The following MLH3 variants were observed in gnomAD, a reference collection of about 807,000 sequenced individuals.
MLH3 encodes the protein DNA mismatch repair protein Mlh3.
Under a neutral mutation model 122.2 loss-of-function variants are expected in MLH3, and 82 were observed. The ratio of observed to expected loss-of-function variants is 0.67; its 90% CI spans 0.56 to 0.81. The LOEUF is 0.81. Among genes scored for constraint, MLH3 ranks in the 30% least tolerant of loss-of-function variants. The probability of loss-of-function intolerance (pLI) is 0.00; values close to 1 mark genes in which losing one functional copy is unlikely to be tolerated. For synonymous variants in MLH3, 524 were observed against 599.5 expected (o/e 0.87, Z 1.84); for missense variants, 1,539 against 1,714.5 (o/e 0.90, Z 1.81).
Position 75,048,831 on chromosome 14 carries a change from T to C in MLH3, c.825A>G (p.Glu275=), listed in dbSNP as rs1040135404. The change falls in exon 2 of 13, where the codon GAA becomes GAG. Residue 275 remains glutamate (E), a synonymous_variant. Coordinates refer to ENST00000355774, the MANE Select transcript of MLH3 (RefSeq NM_001040108.2). ...HKLIDFLLRK[E]SIICKPKNGP... ...CATTCTTTGGCTTGCATATAATACT[T>C]TCTTTCCTTAATAAAAAGTCAATGA... 6.2e-7 allele frequency: 1 copy of C among 1,614,040 alleles called. No homozygotes were observed. Among genetic ancestry groups the C allele is most frequent in the Admixed American group, 1.7e-5 (1 of 60,008 alleles).
chr14:75,042,285 TG>T, intron 3 of MLH3, 93 bp downstream of exon 3: 1 of 1,016,338 alleles, frequency 9.8e-7, no homozygotes, highest in Non-Finnish European at 1.6e-6. Flanking sequence ...ACAGCACAGC[TG>T]GCACTGATCA....
At chr14:75,034,320 C>T (rs1205299132) in intron 6 of MLH3, among the ~76,000 whole-genome samples, 1 of 152,138 alleles carries the variant, frequency 6.6e-6, no homozygotes, top group Non-Finnish European at 1.5e-5. Flanking sequence ...TTAAACAACA[C>T]ATTGTTATAA....
rs1452108917 is a variant in MLH3, at chr14:75,033,424, A to G, written c.3710T>C (p.Ile1237Thr). ...GGCTGCAAACAGATCCTTACCAATG[A>G]TAAGCTGCTCCAGACGTATACGCTC... The part of the protein sequence containing the change: ...AHERIRLEQL[I>T]IDSYEKQQAQ... The change falls in exon 7 of 13, where the codon ATC becomes ACC. Residue 1237 changes from isoleucine to threonine, a missense_variant. Ile to Thr is a moderately conservative substitution (Grantham distance 89, BLOSUM62 -1). Coordinates refer to ENST00000355774, the MANE Select transcript of MLH3 (RefSeq NM_001040108.2). 1 of 1,613,972 alleles carries G rather than the reference A, an allele frequency of 6.2e-7. No homozygotes were observed. Among genetic ancestry groups the G allele is most frequent in the African/African-American group, 1.3e-5 (1 of 74,902 alleles).
At chr14:75,021,097 G>A (rs1356456950) in intron 11 of MLH3, among the ~76,000 whole-genome samples, 4 of 152,176 alleles carry the variant, frequency 2.6e-5, no homozygotes, top group South Asian at 2.1e-4. Context: ...GGCTGGTCTC[G>A]AACTCCTGAC....
intron 2 of MLH3, among the ~76,000 whole-genome samples, chr14:75,042,860 C>T (rs1057191739): frequency 1.3e-5 from 2 of 151,810 alleles, no homozygotes; most frequent in African/African-American, 2.4e-5. Context: ...ACTGCAACTT[C>T]CGCCTCCCGG....
rs369273391 is a variant in MLH3, at chr14:75,048,041, C to T, written c.1615G>A (p.Ala539Thr). 3 of 1,613,690 alleles carry T rather than the reference C, an allele frequency of 1.9e-6. No homozygotes were observed. Among genetic ancestry groups the T allele is most frequent in the Non-Finnish European group, 2.5e-6 (3 of 1,179,934 alleles). Residue 539 changes from alanine (A) to threonine (T), a missense_variant, in exon 2 of 13, where the codon GCC (alanine) becomes ACC (threonine). Transcript: ENST00000355774. ...KESTTVNGMA[A>T]NILKNNRIQN... ...ATTCTATTATTTTTCAAGATGTTGGCAGCCATGCCATTAACAGTAGTACTT... is the reference window on the plus strand; with the variant it reads ...ATTCTATTATTTTTCAAGATGTTGGTAGCCATGCCATTAACAGTAGTACTT...
intron 10 of MLH3, 47 bp downstream of exon 10, chr14:75,022,948 A>G (rs1245073080): frequency 6.2e-7 from 1 of 1,613,976 alleles, no homozygotes; most frequent in Non-Finnish European, 8.5e-7. Context: ...GAAGCCTTTT[A>G]TGTGTGGTGC....
Position 75,048,942 on chromosome 14 carries a change from A to G in MLH3, c.714T>C (p.Tyr238=), listed in dbSNP as rs1892466442. Residue 238 remains tyrosine (Y), a synonymous_variant, in exon 2 of 13, where the codon TAT becomes TAC. Transcript: ENST00000355774. ...FKYKEFELSG[Y]ISSEAHYNKN... ...TGTTGTAATGTGCTTCAGAGCTGAT[A>G]TAGCCACTAAGCTCAAACTCTTTAT... 1.9e-6 allele frequency: 3 copies of G among 1,613,352 alleles called. No homozygotes were observed. The highest frequency in any genetic ancestry group is 2.5e-6 in the Non-Finnish European group (3 of 1,179,756).
rs1892291132 is a variant in MLH3 at position 75,047,095 on chromosome 14, T to C, written c.2561A>G (p.Lys854Arg). The C allele has an allele frequency of 6.2e-7, 1 of 1,614,200 alleles. No individual in the cohort carries two copies. Among genetic ancestry groups the C allele is most frequent in the Non-Finnish European group, 8.5e-7 (1 of 1,180,028 alleles). The change falls in exon 2 of 13, where the codon AAG becomes AGG. Residue 854 changes from lysine to arginine, a missense_variant. Transcript: ENST00000355774. ...PSLRESPMTL[K>R]ELSLFNRKPL... ...TTTTCTATTAAAGAGAGATAACTCC[T>C]TCAGGGTCATAGGACTTTCTCTCAA...
chr14:75,027,190 G>GT (rs754263176), intron 9 of MLH3, among the ~76,000 whole-genome samples: 107 of 152,058 alleles, frequency 7.0e-4, no homozygotes, highest in Admixed American at 2.4e-3. Context: ...GTGAAATTCT[G>GT]TTTTTAGCTA....
chr14:75,017,458 T>C (rs1889965984), intron 12 of MLH3, among the ~76,000 whole-genome samples: 1 of 151,996 alleles, frequency 6.6e-6, no homozygotes, highest in African/African-American at 2.4e-5. Flanking sequence ...GGAGAATTGA[T>C]TGAACCTGGG....
At chr14:75,030,865 T>G (rs1891004270) in intron 8 of MLH3, 163 bp from the exon 9 acceptor site, 1 of 650,748 alleles carries the variant, frequency 1.5e-6, no homozygotes, top group African/African-American at 1.8e-5. Flanking sequence ...GGATTTTTTA[T>G]TATCAAATTT....
chr14:75,035,062 C>CAAAAAAAAAAAAAAAAAAAAAA (rs36096670), intron 6 of MLH3, among the ~76,000 whole-genome samples: 2 of 40,248 alleles, frequency 5.0e-5, no homozygotes, highest in Non-Finnish European at 8.5e-5. Flanking sequence ...GACTCCATCT[C>CAAAAAAAAAAAAAAAAAAAAAA]AAAAAAAAAA....
chr14:75,046,863 C>G lies in MLH3; in HGVS notation c.2793G>C (p.Glu931Asp). The part of the protein sequence containing the change: ...MLFNNKHEKT[E>D]NGVIPTSDSA... ...AATCTGATGTTGGGATGACACCATT[C>G]TCTGTTTTTTCATGCTTGTTGTTAA... is the stretch of plus-strand genomic sequence containing the variant. The change falls in exon 2 of 13, where the codon GAG (glutamate) becomes GAC (aspartate). Residue 931 changes from glutamate (E) to aspartate (D), a missense_variant. Coordinates refer to ENST00000355774, the MANE Select transcript of MLH3 (RefSeq NM_001040108.2). 1 of 1,614,028 alleles carries G rather than the reference C, an allele frequency of 6.2e-7. No homozygotes were observed. Among genetic ancestry groups the G allele is most frequent in the Non-Finnish European group, 8.5e-7 (1 of 1,180,010 alleles).
Position 75,013,803 on chromosome 14 carries a change from A to T in MLH3, c.*3279T>A, listed in dbSNP as rs1464263980. The T allele has an allele frequency of 4.5e-6, 1 of 224,208 alleles. No homozygotes were observed. Among genetic ancestry groups the T allele is most frequent in the Non-Finnish European group, 8.9e-6 (1 of 112,500 alleles). The allele number at this position is 224,208 out of a possible 1,614,324, so 13.9% of individuals were successfully genotyped here. Reference sequence around the variant, plus strand: ...GGAAGGAAGGGTTTATTTGATGCAGATTCTTCAGCATTTTGTTTTCACAGA... The same window carrying T: ...GGAAGGAAGGGTTTATTTGATGCAGTTTCTTCAGCATTTTGTTTTCACAGA... On this transcript the variant is annotated 3_prime_UTR_variant, in exon 13 of 13. Transcript: ENST00000355774.
Position 75,047,717 on chromosome 14 carries a change from G to A in MLH3, c.1939C>T (p.Arg647Cys), listed in dbSNP as rs28756987. Residue 647 changes from arginine to cysteine, a missense_variant, in exon 2 of 13, where the codon CGT becomes TGT. Transcript: ENST00000355774. ...ATGTCTGGAGTTTCAACTGAATGACGTGTTCTATTTCCAAATGTTTCTTGG... is the reference window on the plus strand; with the variant it reads ...ATGTCTGGAGTTTCAACTGAATGACATGTTCTATTTCCAAATGTTTCTTGG... ...RAQETFGNRT[R>C]HSVETPDIKD... 537 of 1,614,136 alleles carry A rather than the reference G, an allele frequency of 3.3e-4. 1 individual carries two copies. The African/African-American group carries it at 5.3e-3, about 16-fold the overall frequency.
chr14:75,041,753 G>A (rs1891874857), intron 3 of MLH3, 53 bp from the exon 4 acceptor site: 2 of 1,304,588 alleles, frequency 1.5e-6, no homozygotes, highest in South Asian at 1.2e-5. Context: ...AGGGAAAGGA[G>A]GGAATGGCAT....
chr14:75,025,965 T>C (rs1034518275), intron 9 of MLH3, among the ~76,000 whole-genome samples: 1 of 152,178 alleles, frequency 6.6e-6, no homozygotes, highest in Non-Finnish European at 1.5e-5. Context: ...CCAAGTCCTC[T>C]TGCTTCTGCC....
chr14:75,027,386 A>C (rs1353114880), intron 9 of MLH3, among the ~76,000 whole-genome samples: 1 of 151,142 alleles, frequency 6.6e-6, no homozygotes, highest in Non-Finnish European at 1.5e-5. Context: ...CAGCCTCCCG[A>C]GTAGCTGGAA....
Sources: gnomAD v4.1 joint callset for allele counts (sites outside exome capture counted in the v4.1 genomes callset) on GRCh38, gnomAD v4.1.1 for gene constraint, MANE v1.5 for transcripts, NCBI Gene and HGNC (gene_info 2026-07-23, HGNC 2026-07-21) for gene names.